PPP1R2: variants seen among roughly 807,000 people sequenced by gnomAD.
The protein encoded by PPP1R2 is protein phosphatase inhibitor 2.
Under a neutral mutation model 29.9 loss-of-function variants are expected in PPP1R2, and 16 were observed. That is an observed-to-expected ratio of 0.53 (90% CI 0.36 to 0.81). PPP1R2 has a LOEUF of 0.81. PPP1R2 is among the 30% of genes least tolerant of loss of function. The pLI, the probability that PPP1R2 is intolerant of heterozygous loss-of-function variation, is 0.00. For missense variants in PPP1R2, 197 were observed against 252.7 expected (o/e 0.78, Z 1.49); for synonymous variants, 76 against 91.5 (o/e 0.83, Z 0.96).
At chr3:195,527,812 G>T (rs761753314) in intron 2 of PPP1R2, 14 of 298,978 alleles carry the variant, frequency 4.7e-5, no homozygotes, top group Non-Finnish European at 7.8e-5. Flanking sequence ...GCTGTAGTGT[G>T]CTATAACTGT....
chr3:195,528,702 ATTTTTTTTTTTTTTTTTT>A (rs1186534650), intron 2 of PPP1R2: 1 of 59,974 alleles, frequency 1.7e-5, no homozygotes, highest in Admixed American at 2.9e-4. Context: ...GGGCATAACT[ATTTTTTTTTTTTTTTTTT>A]TTTTTTTTTT....
At chr3:195,536,485 T>C (rs35827393) in intron 1 of PPP1R2, among the ~76,000 whole-genome samples, 96,698 of 151,750 alleles carry the variant, frequency 0.64, 31,219 homozygotes, top group East Asian at 0.94. Context: ...GGGGTGCCTG[T>C]TAATCTCAAA....
chr3:195,528,524 C>G (rs928466438), intron 2 of PPP1R2, among the ~76,000 whole-genome samples: 5 of 151,804 alleles, frequency 3.3e-5, no homozygotes, highest in Non-Finnish European at 7.4e-5. Flanking sequence ...AAGTTTTCAC[C>G]CACTGACTTA....
Position 195,524,831 on chromosome 3 carries a change from A to G in PPP1R2, c.296T>C (p.Ile99Thr), listed in dbSNP as rs756960992. ...TEATEAMAPD[I>T]LARKLAAAEG... ...CATTAGTACTTACTTCCTGGCTAAG[A>G]TGTCTGGCGCCATGGCTTCAGTGGC... is the stretch of plus-strand genomic sequence containing the variant. Residue 99 changes from isoleucine to threonine, a missense_variant, in exon 3 of 6, where the codon ATC becomes ACC. Transcript: ENST00000618156. 1.1e-5 allele frequency: 17 copies of G among 1,614,016 alleles called. No individual in the cohort carries two copies. Among genetic ancestry groups the G allele is most frequent in the Admixed American group, 1.7e-5 (1 of 60,004 alleles).
At chr3:195,531,587 A>G (rs753366359) in intron 1 of PPP1R2, among the ~76,000 whole-genome samples, 1 of 152,138 alleles carries the variant, frequency 6.6e-6, no homozygotes, top group Non-Finnish European at 1.5e-5. Flanking sequence ...CAGTGTCCCC[A>G]TTTCGGACTA....
At chr3:195,517,307 A>G (rs1372764877) in intron 5 of PPP1R2, among the ~76,000 whole-genome samples, 1 of 152,120 alleles carries the variant, frequency 6.6e-6, no homozygotes, top group African/African-American at 2.4e-5. Context: ...ATTTTCTCCA[A>G]TGAATTGTGT....
chr3:195,542,990 C>T lies in PPP1R2; in HGVS notation c.36G>A (p.Lys12=), dbSNP rs141686266. 5.7e-5 allele frequency: 91 copies of T among 1,602,052 alleles called. No individual in the cohort carries two copies. Among genetic ancestry groups the T allele is most frequent in the Non-Finnish European group, 7.3e-5 (86 of 1,174,636 alleles). The change falls in exon 1 of 6, where the codon AAG becomes AAA. Residue 12 remains lysine, a synonymous_variant. Coordinates refer to ENST00000618156, the MANE Select transcript of PPP1R2 (RefSeq NM_006241.8). ...AASTASHRPI[K]GILKNKTSTT... ...TAGAGGTCTTGTTCTTCAAGATCCC[C>T]TTGATGGGCCGGTGCGAGGCCGTCG...
At chr3:195,525,243 C>T (rs1223003064) in intron 2 of PPP1R2, among the ~76,000 whole-genome samples, 1 of 152,066 alleles carries the variant, frequency 6.6e-6, no homozygotes, top group Non-Finnish European at 1.5e-5. Context: ...TATCATTATT[C>T]CCTAAATGAT....
chr3:195,532,746 A>G (rs909979731), intron 1 of PPP1R2, among the ~76,000 whole-genome samples: 9 of 152,174 alleles, frequency 5.9e-5, no homozygotes, highest in African/African-American at 1.9e-4. Context: ...GAGGCTTGTG[A>G]CAATTTGAAG....
intron 3 of PPP1R2, among the ~76,000 whole-genome samples, 187 bp downstream of exon 3, chr3:195,524,632 A>G (rs1220340394): frequency 6.6e-6 from 1 of 152,182 alleles, no homozygotes; most frequent in Non-Finnish European, 1.5e-5. Flanking sequence ...TCAAGAGACA[A>G]GACTATAAAA....
chr3:195,522,496 T>C (rs186226968), intron 4 of PPP1R2, among the ~76,000 whole-genome samples: 1 of 152,198 alleles, frequency 6.6e-6, no homozygotes, highest in South Asian at 2.1e-4. Context: ...CAATTAAAAC[T>C]GACATTAACA....
chr3:195,522,478 A>C (rs1421553912), intron 4 of PPP1R2, among the ~76,000 whole-genome samples: 1 of 152,222 alleles, frequency 6.6e-6, no homozygotes, highest in Admixed American at 6.5e-5. Flanking sequence ...CTTGAGAAAA[A>C]CATCCCTCAA....
chr3:195,535,053 T>A (rs1719324322), intron 1 of PPP1R2, among the ~76,000 whole-genome samples: 1 of 152,126 alleles, frequency 6.6e-6, no homozygotes. Flanking sequence ...TACGCAGTGG[T>A]CCCCAACCTT....
At chr3:195,523,901 T>TA in intron 3 of PPP1R2, 115 bp from the exon 4 acceptor site, 1 of 869,626 alleles carries the variant, frequency 1.1e-6, no homozygotes, top group Non-Finnish European at 1.8e-6. Flanking sequence ...GTGCTAGCTA[T>TA]AACCTGATGA....
rs943763095 is a variant in PPP1R2, at chr3:195,517,024, G to A, written c.572-82C>T. 5 of 1,075,598 alleles carry A rather than the reference G, an allele frequency of 4.6e-6. No individual in the cohort carries two copies. The African/African-American group carries it at 6.3e-5, about 14-fold the overall frequency. 66.6% of individuals were successfully genotyped at this position (1,075,598 alleles called of 1,614,324 possible). A position where few individuals can be genotyped will look rare whatever the true frequency, so the allele number is the denominator to read the frequency against. The stretch of plus-strand genomic sequence containing the variant: ...AAAGTTCCCTTCTATTAGCATGCAT[G>A]ACAAGCAAATATAAAAATTTTAAAA... On this transcript the variant is annotated intron_variant, in intron 5 of 5. Transcript: ENST00000618156.
At chr3:195,522,041 C>A (rs1718782018) in intron 4 of PPP1R2, among the ~76,000 whole-genome samples, 1 of 152,136 alleles carries the variant, frequency 6.6e-6, no homozygotes, top group Non-Finnish European at 1.5e-5. Context: ...TCTTTTTATA[C>A]CTACTTTTAC....
In PPP1R2 at chr3:195,516,103, G is replaced by A. The variant is rs1323177287; in HGVS notation, c.*793C>T. 6.6e-5 allele frequency: 10 copies of A among 152,354 alleles called. No homozygotes were observed. Among genetic ancestry groups the A allele is most frequent in the Non-Finnish European group, 1.3e-4 (9 of 67,960 alleles). 9.4% of individuals were successfully genotyped at this position (152,354 alleles called of 1,614,324 possible). ...AAAGAAAAGCAGGAGGTTAAGACAG[G>A]TATTTAAAGGGAATGGCGAGATAGC... On this transcript the variant is annotated 3_prime_UTR_variant, in exon 6 of 6. Coordinates refer to ENST00000618156, the MANE Select transcript of PPP1R2 (RefSeq NM_006241.8).
chr3:195,535,080 G>A (rs536706748), intron 1 of PPP1R2, among the ~76,000 whole-genome samples: 3 of 152,286 alleles, frequency 2.0e-5, no homozygotes, highest in East Asian at 3.9e-4. Flanking sequence ...ACCAGTGAGC[G>A]GTTTCGGGAA....
Position 195,523,752 on chromosome 3 carries a change from G to A in PPP1R2, c.343C>T (p.Arg115Trp), listed in dbSNP as rs373752760. The A allele has an allele frequency of 2.4e-5, 39 of 1,613,994 alleles. No homozygotes were observed. The highest frequency in any genetic ancestry group is 5.3e-5 in the African/African-American group (4 of 74,922). The change falls in exon 4 of 6, where the codon CGG (arginine) becomes TGG (tryptophan). Residue 115 changes from arginine (R) to tryptophan (W), a missense_variant. Arg to Trp is a moderately radical substitution (Grantham distance 101). This residue lies in a region of PPP1R2 where 135 missense variants were observed against 163.0 expected (regional missense o/e 0.83). Coordinates refer to ENST00000618156, the MANE Select transcript of PPP1R2 (RefSeq NM_006241.8). ...CCACTGCTTTCTTGTTCCTGAATCC[G>A]ATACTTTGGCTCCAAGCCTTCAGCT... ...AAAEGLEPKY[R>W]IQEQESSGEE...
Sources: gnomAD v4.1 joint callset for allele counts (sites outside exome capture counted in the v4.1 genomes callset) on GRCh38, gnomAD v4.1.1 for gene constraint, gnomAD v4.1.1 regional missense constraint, MANE v1.5 for transcripts, NCBI Gene and HGNC (gene_info 2026-07-23, HGNC 2026-07-21) for gene names.